Variants in ENOX2 observed in about 807,000 individuals in gnomAD.
ENOX2 encodes the protein APK1 antigen.
In ENOX2, 36 loss-of-function variants were observed where a neutral mutation model predicts 45.0. The ratio of observed to expected loss-of-function variants is 0.80; its 90% CI spans 0.61 to 1.06. ENOX2 has a LOEUF of 1.06. Ranked by LOEUF, ENOX2 falls within the 50% of genes least tolerant of loss-of-function variation. The pLI is 0.00. For synonymous variants in ENOX2, 174 were observed against 152.3 expected (o/e 1.14, Z -1.05); for missense variants, 423 against 462.5 (o/e 0.91, Z 0.78).
chrX:130,694,749 C>A (rs987107170), intron 4 of ENOX2, among the ~76,000 whole-genome samples: 1 of 109,083 alleles, frequency 9.2e-6, no homozygotes, highest in Admixed American at 9.8e-5. Flanking sequence ...ATTACAAGCA[C>A]GCGCCAATAT....
At chrX:130,784,316 G>A (rs767174008) in intron 2 of ENOX2, among the ~76,000 whole-genome samples, 1 of 111,108 alleles carries the variant, frequency 9.0e-6, no homozygotes, top group Non-Finnish European at 1.9e-5. Context: ...CACTTTACTC[G>A]TCACTGCTGC....
intron 3 of ENOX2, among the ~76,000 whole-genome samples, chrX:130,777,605 C>T (rs1320547872): frequency 9.0e-6 from 1 of 111,695 alleles, no homozygotes; most frequent in African/African-American, 3.3e-5. Context: ...GCTACTTACA[C>T]TTCATGTCTG....
intron 3 of ENOX2, among the ~76,000 whole-genome samples, chrX:130,751,530 C>A (rs1014431497): frequency 8.9e-6 from 1 of 111,892 alleles, no homozygotes; most frequent in African/African-American, 3.2e-5. Flanking sequence ...TATATGCATG[C>A]ATACATGCTT....
At chrX:130,748,753 A>T (rs1391723683) in intron 3 of ENOX2, among the ~76,000 whole-genome samples, 1 of 111,523 alleles carries the variant, frequency 9.0e-6, no homozygotes, top group Non-Finnish European at 1.9e-5. Flanking sequence ...TGGATCTTAA[A>T]CCCTAGGCTG....
chrX:130,814,809 TG>T (rs1225165300), intron 2 of ENOX2, among the ~76,000 whole-genome samples: 1 of 111,806 alleles, frequency 8.9e-6, no homozygotes, highest in African/African-American at 3.3e-5. Flanking sequence ...GCAAAAAGTC[TG>T]AAAATTCCAA....
At chrX:130,784,173 T>C (rs1274780180) in intron 2 of ENOX2, among the ~76,000 whole-genome samples, 1 of 111,859 alleles carries the variant, frequency 8.9e-6, no homozygotes, top group Non-Finnish European at 1.9e-5. Flanking sequence ...CATAACTCCA[T>C]GGCAAATGAG....
intron 2 of ENOX2, among the ~76,000 whole-genome samples, chrX:130,815,462 C>G (rs984860798): frequency 9.0e-6 from 1 of 111,525 alleles, no homozygotes; most frequent in East Asian, 2.8e-4. Context: ...TTCACCAAGG[C>G]TGAAATGAAG....
chrX:130,774,116 T>C (rs2039800852), intron 3 of ENOX2, among the ~76,000 whole-genome samples: 1 of 112,248 alleles, frequency 8.9e-6, no homozygotes, highest in South Asian at 3.8e-4. Flanking sequence ...TTACTGTCAC[T>C]TCTGTCATTT....
At chrX:130,684,857 G>A (rs1280068095) in intron 5 of ENOX2, among the ~76,000 whole-genome samples, 2 of 111,425 alleles carry the variant, frequency 1.8e-5, no homozygotes, top group Non-Finnish European at 3.8e-5. Flanking sequence ...CCAGCTACTC[G>A]AGAGGCTGAG....
rs181886406 is a variant in ENOX2 at position 130,675,522 on chromosome X, C to T, written c.460+4020G>A. 4.6e-3 allele frequency among the ~76,000 whole-genome samples: 521 copies of T among 112,046 alleles called. 2 individuals carry two copies. The highest frequency in any genetic ancestry group is 0.015 in the African/African-American group (477 of 30,823). ...AAGGTGAAACACTTTTTCAAATCAA[C>T]GTTGAAAGAATTCATCAGGAACAGA... On this transcript the variant is annotated intron_variant, in intron 6 of 14. Coordinates refer to ENST00000394363, the MANE Select transcript of ENOX2 (RefSeq NM_006375.4).
At chrX:130,689,816 G>A (rs2037545156) in intron 4 of ENOX2, among the ~76,000 whole-genome samples, 1 of 111,644 alleles carries the variant, frequency 9.0e-6, no homozygotes, top group Non-Finnish European at 1.9e-5. Context: ...CCTCTAGCAT[G>A]TGTGGGGGCA....
chrX:130,768,764 A>C (rs1376161084), intron 3 of ENOX2, among the ~76,000 whole-genome samples: 1 of 112,027 alleles, frequency 8.9e-6, no homozygotes, highest in Non-Finnish European at 1.9e-5. Flanking sequence ...TGGATGCAAA[A>C]GCAGCCTGAT....
chrX:130,781,397 T>G (rs1217231083), intron 3 of ENOX2, among the ~76,000 whole-genome samples: 1 of 112,600 alleles, frequency 8.9e-6, no homozygotes, highest in Non-Finnish European at 1.9e-5. Flanking sequence ...ATTGTTCTGC[T>G]AATTATAGAT....
intron 3 of ENOX2, among the ~76,000 whole-genome samples, chrX:130,745,874 A>G (rs1407539272): frequency 1.8e-5 from 2 of 112,044 alleles, no homozygotes; most frequent in African/African-American, 6.5e-5. Context: ...CCCTACTAGT[A>G]TAAACCATTA....
chrX:130,853,735 A>G (rs1013886280), intron 2 of ENOX2, among the ~76,000 whole-genome samples: 1 of 110,257 alleles, frequency 9.1e-6, no homozygotes, highest in Non-Finnish European at 1.9e-5. Context: ...CCCAATCAGC[A>G]ATGTCATAGG....
intron 2 of ENOX2, among the ~76,000 whole-genome samples, chrX:130,824,776 A>C (rs1442591001): frequency 8.9e-6 from 1 of 111,812 alleles, no homozygotes; most frequent in Non-Finnish European, 1.9e-5. Context: ...ACACATGGAA[A>C]GCTAATAAAC....
intron 5 of ENOX2, among the ~76,000 whole-genome samples, chrX:130,682,304 C>T (rs1030289491): frequency 9.1e-6 from 1 of 109,871 alleles, no homozygotes; most frequent in Non-Finnish European, 1.9e-5. Flanking sequence ...GGCAAAGGCT[C>T]CATCCCCTGG....
At chrX:130,745,076 G>A (rs1354808445) in intron 3 of ENOX2, among the ~76,000 whole-genome samples, 2 of 111,528 alleles carry the variant, frequency 1.8e-5, no homozygotes, top group African/African-American at 3.3e-5. Flanking sequence ...CCACGAAACC[G>A]GTCCCTGGTG....
At chrX:130,712,670 A>C (rs1418433368) in intron 3 of ENOX2, among the ~76,000 whole-genome samples, 2 of 111,741 alleles carry the variant, frequency 1.8e-5, no homozygotes, top group Non-Finnish European at 1.9e-5. Context: ...AACGGGATGC[A>C]AGATGCTGGA....
Sources: gnomAD v4.1 joint callset for allele counts (sites outside exome capture counted in the v4.1 genomes callset) on GRCh38, gnomAD v4.1.1 for gene constraint, MANE v1.5 for transcripts, NCBI Gene and HGNC (gene_info 2026-07-23, HGNC 2026-07-21) for gene names.